Variants in FAM228B observed in about 807,000 individuals in gnomAD.
FAM228B encodes protein FAM228B.
FAM228B carries 38 observed loss-of-function variants against 42.6 expected under a neutral mutation model. That is an observed-to-expected ratio of 0.89 (90% CI 0.69 to 1.17). The LOEUF (loss-of-function observed/expected upper bound fraction) is 1.17, where lower values mean the gene tolerates loss of function less well. Ranked by LOEUF, FAM228B falls within the 50% of genes most tolerant of loss-of-function variation. FAM228B has a pLI of 0.00. For synonymous variants in FAM228B, 109 were observed against 122.3 expected (o/e 0.89, Z 0.72); for missense variants, 344 against 367.3 (o/e 0.94, Z 0.52).
chr2:24,140,239 C>T (rs774421042), intron 5 of FAM228B, among the ~76,000 whole-genome samples: 16 of 152,124 alleles, frequency 1.1e-4, no homozygotes, highest in South Asian at 2.1e-4. Flanking sequence ...TGCAGTGGCG[C>T]GATCTCTGCT....
rs1666913697 is a variant in FAM228B at position 24,147,078 on chromosome 2, AAGG to A, written c.681_683del (p.Arg229del). The A allele has an allele frequency of 1.9e-6, 3 of 1,549,750 alleles. No individual in the cohort carries two copies. Among genetic ancestry groups the A allele is most frequent in the Middle Eastern group, 1.7e-4 (1 of 5,994 alleles). The stretch of plus-strand genomic sequence containing the variant: ...GATACATAGAAAGTGAATTTTGTAG[AAGG>A]AGAAGGTAATGGTTAATATACTAGA... On this transcript the variant is annotated inframe_deletion, in exon 7 of 11. Coordinates refer to ENST00000615575, the MANE Select transcript of FAM228B (RefSeq NM_001145710.2).
Position 24,169,515 on chromosome 2 carries a change from C to T in FAM228B, c.*174C>T, listed in dbSNP as rs1384660939. 5 of 301,484 alleles carry T rather than the reference C, an allele frequency of 1.7e-5. No homozygotes were observed. The highest frequency in any genetic ancestry group is 2.3e-5 in the Non-Finnish European group (3 of 129,806). The allele number at this position is 301,484 out of a possible 1,614,324, so 18.7% of individuals were successfully genotyped here. ...GTCTCTAAAAAAAAAGCATCTGCAA[C>T]GAACTTCCTTTAATTTTTGAGTTCA... On this transcript the variant is annotated 3_prime_UTR_variant, in exon 11 of 11. Transcript: ENST00000615575. The surrounding 1 kb of genome is among the most constrained non-coding windows in gnomAD (Gnocchi z 4.2).
rs886485854 is a variant in FAM228B at position 24,167,639 on chromosome 2, G to A, written c.945G>A (p.Pro315=). The change falls in exon 10 of 11, where the codon CCG becomes CCA. Residue 315 remains proline (P), a synonymous_variant. Transcript: ENST00000615575. ...ATCTTCATTTAAGGTCTCCCTCCCC[G>A]CGTTTGGGGCTGCTGAAGCTGGAGC... ...REEDQDGSPS[P]RLGLLKLEL The A allele has an allele frequency of 2.9e-5, 45 of 1,551,502 alleles. No individual in the cohort carries two copies. The African/African-American group carries it at 3.6e-4, about 12-fold the overall frequency.
Position 24,138,064 on chromosome 2 carries a change from G to A in FAM228B, c.324G>A (p.Gly108=). 6.5e-7 allele frequency: 1 copy of A among 1,534,134 alleles called. No homozygotes were observed. The highest frequency in any genetic ancestry group is 1.4e-5 in the African/African-American group (1 of 71,584). The change falls in exon 4 of 11, where the codon GGG becomes GGA. Residue 108 remains glycine, a synonymous_variant. Transcript: ENST00000615575. ...AGAAGATTAAAAAAAGGAGGCAAGG[G>A]GAATTAGATGGCTTTTTAAAACATG... ...SHKKIKKRRQ[G]ELDGFLKHVN...
In FAM228B at chr2:24,145,766, G is replaced by A. The variant is rs565721422; in HGVS notation, c.442-982G>A. Among the ~76,000 whole-genome samples the A allele has an allele frequency of 4.0e-3, 584 of 145,052 alleles. 3 individuals carry two copies. Among genetic ancestry groups the A allele is most frequent in the Admixed American group, 8.1e-3 (114 of 14,048 alleles). ...TGTCGCCCAAGTGGAGTGCAGTGTCGCAAGCTCCACCTCCCGGGTTCATGG... is the reference window on the plus strand; with the variant it reads ...TGTCGCCCAAGTGGAGTGCAGTGTCACAAGCTCCACCTCCCGGGTTCATGG... On this transcript the variant is annotated intron_variant, in intron 5 of 10. Transcript: ENST00000615575.
At chr2:24,086,112 G>A (rs2150989259) in intron 2 of FAM228B, among the ~76,000 whole-genome samples, 1 of 151,940 alleles carries the variant, frequency 6.6e-6, no homozygotes, top group East Asian at 1.9e-4. Flanking sequence ...GCGGGCGCCT[G>A]TAGTCCCAGC....
At chr2:24,143,222 C>G (rs1253097639) in intron 5 of FAM228B, among the ~76,000 whole-genome samples, 1 of 151,896 alleles carries the variant, frequency 6.6e-6, no homozygotes, top group Non-Finnish European at 1.5e-5. Context: ...GCTCTGTCAC[C>G]CAGGCTGGAG....
At chr2:24,091,550 T>C (rs1665392606) in intron 2 of FAM228B, among the ~76,000 whole-genome samples, 1 of 152,218 alleles carries the variant, frequency 6.6e-6, no homozygotes, top group Admixed American at 6.5e-5. Flanking sequence ...GCTGTCCAGA[T>C]GAAAGCTACA....
At chr2:24,105,835 G>A (rs1665689181) in intron 3 of FAM228B, among the ~76,000 whole-genome samples, 1 of 152,138 alleles carries the variant, frequency 6.6e-6, no homozygotes, top group Non-Finnish European at 1.5e-5. Context: ...AGTATTAACA[G>A]CGGAATAGAC....
intron 2 of FAM228B, among the ~76,000 whole-genome samples, chr2:24,091,518 GATA>G (rs892496534): frequency 1.3e-5 from 2 of 152,178 alleles, no homozygotes; most frequent in African/African-American, 2.4e-5. Flanking sequence ...TTTTGTTTGA[GATA>G]ATGAGATAAT....
At chr2:24,091,670 G>A (rs1156244802) in intron 2 of FAM228B, among the ~76,000 whole-genome samples, 3 of 152,012 alleles carry the variant, frequency 2.0e-5, no homozygotes, top group African/African-American at 7.3e-5. Context: ...AAAAGCATAA[G>A]GAATGTATTT....
At chr2:24,156,148 T>A (rs1259978514) in intron 7 of FAM228B, among the ~76,000 whole-genome samples, 4 of 152,244 alleles carry the variant, frequency 2.6e-5, no homozygotes, top group Non-Finnish European at 4.4e-5. Context: ...TTCAATTGTC[T>A]ATTTTCCACA....
intron 2 of FAM228B, among the ~76,000 whole-genome samples, chr2:24,093,604 A>G (rs1665434905): frequency 4.6e-5 from 7 of 150,956 alleles, no homozygotes; most frequent in Admixed American, 2.0e-4. Flanking sequence ...CAGTGCTGCA[A>G]TAAACATATG....
chr2:24,082,103 C>T (rs536152345), intron 2 of FAM228B, among the ~76,000 whole-genome samples: 1 of 152,322 alleles, frequency 6.6e-6, no homozygotes, highest in South Asian at 2.1e-4. Context: ...TCAGGTGATC[C>T]TCCCAACTCA....
intron 7 of FAM228B, among the ~76,000 whole-genome samples, chr2:24,156,480 A>G (rs900976813): frequency 6.6e-6 from 1 of 152,102 alleles, no homozygotes; most frequent in Non-Finnish European, 1.5e-5. Flanking sequence ...TAAAAATACA[A>G]AAAATCAGCC....
intron 2 of FAM228B, among the ~76,000 whole-genome samples, chr2:24,094,615 G>C (rs1665460083): frequency 6.6e-6 from 1 of 152,000 alleles, no homozygotes; most frequent in African/African-American, 2.4e-5. Context: ...CTTCCTAGTA[G>C]CTGGGACTAT....
rs542077104 is a variant in FAM228B, at chr2:24,104,868, G to C, written c.-121+9639G>C. Among the ~76,000 whole-genome samples the C allele has an allele frequency of 2.6e-5, 4 of 152,248 alleles. No individual in the cohort carries two copies. In the South Asian group the frequency reaches 6.2e-4, roughly 24 times the overall value. On this transcript the variant is annotated intron_variant, in intron 3 of 10. Transcript: ENST00000613899. Reference sequence around the variant, plus strand: ...CTAGAGCTTCTGGCCCAGCAGTCCTGCTTCTGTGTGAACTCAGCCAACAAA... The same window carrying C: ...CTAGAGCTTCTGGCCCAGCAGTCCTCCTTCTGTGTGAACTCAGCCAACAAA...
intron 2 of FAM228B, among the ~76,000 whole-genome samples, chr2:24,132,851 G>A (rs1280491076): frequency 6.6e-6 from 1 of 152,138 alleles, no homozygotes; most frequent in East Asian, 1.9e-4. Flanking sequence ...TGTCTTTCCT[G>A]AAGTTGGCAG....
intron 2 of FAM228B, among the ~76,000 whole-genome samples, chr2:24,126,649 C>T (rs1045596856): frequency 5.9e-4 from 88 of 149,138 alleles, no homozygotes; most frequent in African/African-American, 1.9e-3. Flanking sequence ...CTTGCTCTGT[C>T]GCCCAGACTG....
Sources: allele counts gnomAD v4.1 joint callset (sites outside exome capture counted in the v4.1 genomes callset), GRCh38; gene constraint gnomAD v4.1.1; non-coding constraint Gnocchi (gnomAD v3.1); transcripts MANE v1.5; gene names NCBI Gene and HGNC (gene_info 2026-07-23, HGNC 2026-07-21).